Variants in KLHDC4 observed in about 807,000 individuals in gnomAD.
The protein encoded by KLHDC4 is kelch domain-containing protein 4.
A neutral mutation model predicts 62.4 loss-of-function variants in KLHDC4; 90 were observed. The observed-to-expected ratio is 1.44, with a 90% CI of 1.22 to 1.72. KLHDC4 has a LOEUF of 1.72. Ranked by LOEUF, KLHDC4 falls within the 40% of genes most tolerant of loss-of-function variation. The probability of loss-of-function intolerance (pLI) is 0.00; values close to 1 mark genes in which losing one functional copy is unlikely to be tolerated. For missense variants in KLHDC4, 1,025 were observed against 699.7 expected (o/e 1.47, Z -5.25); for synonymous variants, 386 against 284.4 (o/e 1.36, Z -3.59).
In KLHDC4 at chr16:87,748,812, G is replaced by A; in HGVS notation, c.370-3C>T. ...CCACCTTGAGGCACTACCACCGCCT[G>A]TGAAAAGAAAGGTGACAGGTCAGGG... On this transcript the variant is annotated splice_polypyrimidine_tract_variant and splice_region_variant and intron_variant, in intron 4 of 11. Transcript: ENST00000270583. The A allele has an allele frequency of 1.2e-6, 2 of 1,612,108 alleles. No individual in the cohort carries two copies. The highest frequency in any genetic ancestry group is 1.7e-6 in the Non-Finnish European group (2 of 1,179,636).
At chr16:87,706,091 G>T (rs887926299), downstream of KLHDC4, among the ~76,000 whole-genome samples, 4 of 142,156 alleles carry the variant, frequency 2.8e-5, no homozygotes, top group Non-Finnish European at 4.8e-5. Context: ...TAGCCCTTGC[G>T]GGGGGCGGGC....
intron 2 of KLHDC4, among the ~76,000 whole-genome samples, chr16:87,761,347 C>T (rs2045870384): frequency 6.6e-6 from 1 of 152,202 alleles, no homozygotes; most frequent in African/African-American, 2.4e-5. Context: ...TCCCGATGGG[C>T]TGAACCCCGG....
At chr16:87,754,289 T>A (rs182167253) in intron 4 of KLHDC4, among the ~76,000 whole-genome samples, 267 of 152,260 alleles carry the variant, frequency 1.8e-3, no homozygotes, top group Middle Eastern at 3.4e-3. Flanking sequence ...GAGGTTGCAA[T>A]GAGCCGAAAT....
chr16:87,743,564 C>T lies in KLHDC4; in HGVS notation c.506+5109G>A, dbSNP rs7206459. 5.5e-3 allele frequency among the ~76,000 whole-genome samples: 836 copies of T among 151,972 alleles called. 8 individuals are homozygous for T. Among genetic ancestry groups the T allele is most frequent in the African/African-American group, 0.02 (820 of 41,438 alleles). ...GACCATCCTGGCTAACACAGTGAAA[C>T]CCCGTCTCTACTTAAAATACAAAAT... is the stretch of plus-strand genomic sequence containing the variant. On this transcript the variant is annotated intron_variant, in intron 5 of 11. Transcript: ENST00000270583.
chr16:87,703,660 G>C (rs141772365), downstream of KLHDC4, among the ~76,000 whole-genome samples: 15 of 152,350 alleles, frequency 9.8e-5, no homozygotes, highest in African/African-American at 3.6e-4. Flanking sequence ...TGGGTGGGCT[G>C]CAGCCAGTGG....
At chr16:87,764,675 AGCAGAAAGCAGCTAAC>A (rs2046359112) in intron 1 of KLHDC4, among the ~76,000 whole-genome samples, 1 of 123,192 alleles carries the variant, frequency 8.1e-6, no homozygotes, top group Non-Finnish European at 1.7e-5. Context: ...AAAAAAAAAA[AGCAGAAAGCAGCTAAC>A]AGCTGGTTAC....
chr16:87,723,094 C>G lies in KLHDC4; in HGVS notation c.759+3671G>C, dbSNP rs180909995. Among the ~76,000 whole-genome samples the G allele has an allele frequency of 2.0e-3, 306 of 152,310 alleles. 1 individual carries two copies. The highest frequency in any genetic ancestry group is 3.4e-3 in the Middle Eastern group (1 of 294). The stretch of plus-strand genomic sequence containing the variant: ...ATGGCGCCAGAGCAAGGACGAGCTT[C>G]CCCCAGCCCCAAGCTCAGGTACGGG... On this transcript the variant is annotated intron_variant, in intron 7 of 11. Coordinates refer to ENST00000270583, the MANE Select transcript of KLHDC4 (RefSeq NM_017566.4).
At chr16:87,748,531 G>C in intron 5 of KLHDC4, 142 bp downstream of exon 5, 1 of 1,057,018 alleles carries the variant, frequency 9.5e-7, no homozygotes, top group South Asian at 1.5e-5. Context: ...GGTCTCCCAG[G>C]ACCCAGCGAG....
rs557164740 is a variant in KLHDC4, at chr16:87,754,503, A to G, written c.369+691T>C. On this transcript the variant is annotated intron_variant, in intron 4 of 11. Coordinates refer to ENST00000270583, the MANE Select transcript of KLHDC4 (RefSeq NM_017566.4). ...TTAGCAGGTGAGTTCTAAGCACACA[A>G]TCAGCAAAGGGGGAAGGAAATATTG... is the stretch of plus-strand genomic sequence containing the variant. 2.6e-5 allele frequency among the ~76,000 whole-genome samples: 4 copies of G among 152,334 alleles called. No homozygotes were observed. In the East Asian group the frequency reaches 7.7e-4, roughly 29 times the overall value.
chr16:87,755,421 G>C, intron 3 of KLHDC4, 129 bp from the exon 4 acceptor site: 1 of 567,548 alleles, frequency 1.8e-6, no homozygotes, highest in Non-Finnish European at 3.2e-6. Context: ...TACCAGCACA[G>C]GGAGGCCATG....
At chr16:87,753,110 G>A (rs974168898) in intron 4 of KLHDC4, among the ~76,000 whole-genome samples, 1 of 152,200 alleles carries the variant, frequency 6.6e-6, no homozygotes, top group Non-Finnish European at 1.5e-5. Flanking sequence ...TGGAGTTCAG[G>A]GACGCAGAGG....
At chr16:87,722,799 G>A (rs537683329) in intron 7 of KLHDC4, among the ~76,000 whole-genome samples, 6 of 152,204 alleles carry the variant, frequency 3.9e-5, no homozygotes, top group Non-Finnish European at 5.9e-5. Flanking sequence ...TGATCCTGAG[G>A]GCCCCGGGGA....
At chr16:87,719,949 G>A (rs966157040) in intron 7 of KLHDC4, among the ~76,000 whole-genome samples, 3 of 152,144 alleles carry the variant, frequency 2.0e-5, no homozygotes, top group African/African-American at 4.8e-5. Flanking sequence ...CCCACCTCCC[G>A]CACAATGTAG....
chr16:87,700,992 G>A (rs1291895305), exon 1 of KLHDC4: 3 of 215,476 alleles, frequency 1.4e-5, no homozygotes, highest in Admixed American at 5.9e-5. Flanking sequence ...AGAAACTGAG[G>A]AAGCGACTGT....
Position 87,765,855 on chromosome 16 carries a change from G to A in KLHDC4, c.36C>T (p.Arg12=), listed in dbSNP as rs1280936589. The A allele has an allele frequency of 1.3e-6, 2 of 1,553,670 alleles. No individual in the cohort carries two copies. Among genetic ancestry groups the A allele is most frequent in the South Asian group, 1.2e-5 (1 of 84,244 alleles). The change falls in exon 1 of 12, where the codon CGC becomes CGT. Residue 12 remains arginine (R), a synonymous_variant. Transcript: ENST00000270583. The part of the protein sequence containing the change: ...GKKGKKEKKG[R]GAEKTAAKME... ...TCTTGGCGGCCGTCTTCTCCGCGCC[G>A]CGGCCCTTCTTCTCCTTCTTGCCCT... is the stretch of plus-strand genomic sequence containing the variant.
intron 7 of KLHDC4, among the ~76,000 whole-genome samples, chr16:87,715,658 G>A (rs2036816216): frequency 1.3e-5 from 2 of 152,116 alleles, no homozygotes; most frequent in African/African-American, 4.8e-5. Context: ...ATTAGACTGG[G>A]GTTATGAATC....
chr16:87,716,831 C>T (rs1161577724), intron 7 of KLHDC4, among the ~76,000 whole-genome samples: 1 of 152,174 alleles, frequency 6.6e-6, no homozygotes, highest in Non-Finnish European at 1.5e-5. Flanking sequence ...ACTGGGGAGG[C>T]TGAGGCAGGA....
In KLHDC4 at chr16:87,708,366, GCTCTC is replaced by G; in HGVS notation, c.1543_1547del (p.Glu515ArgfsTer28). 1 of 1,607,252 alleles carries G rather than the reference GCTCTC, an allele frequency of 6.2e-7. No homozygotes were observed. The highest frequency in any genetic ancestry group is 2.2e-5 in the East Asian group (1 of 44,788). On this transcript the variant is annotated frameshift_variant, in exon 11 of 12. Transcript: ENST00000270583. LOFTEE classifies it high-confidence loss of function. ...CCCGCTCACCTCAGTCCTCCGCACC[GCTCTC>G]CTCTCCGCTGTCTTCGTCGTCGACC...
intron 4 of KLHDC4, among the ~76,000 whole-genome samples, chr16:87,752,176 G>A (rs1297287593): frequency 6.7e-6 from 1 of 149,470 alleles, no homozygotes; most frequent in East Asian, 2.0e-4. Context: ...GGAAGCAGAG[G>A]CAGGAGGATC....
Sources: gnomAD v4.1 joint callset for allele counts (sites outside exome capture counted in the v4.1 genomes callset) on GRCh38, gnomAD v4.1.1 for gene constraint, MANE v1.5 for transcripts, NCBI Gene and HGNC (gene_info 2026-07-23, HGNC 2026-07-21) for gene names.